DOT1L: variants seen among roughly 807,000 people sequenced by gnomAD.
DOT1L encodes the protein DOT1 like histone lysine methyltransferase.
In DOT1L, 33 loss-of-function variants were observed where a neutral mutation model predicts 153.3. The ratio of observed to expected loss-of-function variants is 0.22; its 90% CI spans 0.16 to 0.29. The LOEUF (loss-of-function observed/expected upper bound fraction) is 0.29, where lower values mean the gene tolerates loss of function less well. DOT1L is among the 10% of genes least tolerant of loss of function. The pLI, the probability that DOT1L is intolerant of heterozygous loss-of-function variation, is 1.00. For missense variants in DOT1L, 1,847 were observed against 2,119.9 expected (o/e 0.87, Z 2.53); for synonymous variants, 1,135 against 965.1 (o/e 1.18, Z -3.26).
rs373521861 is a variant in DOT1L, at chr19:2,190,592, C to T, written c.265-420C>T. On this transcript the variant is annotated intron_variant, in intron 4 of 27. Transcript: ENST00000398665. The surrounding 1 kb of genome is among the most constrained non-coding windows in gnomAD (Gnocchi z 4.8). Reference sequence around the variant, plus strand: ...TGGTGGGGAGGAAGGCGGGGTCCCACGTAGTCGAGTCAGATGAGGTGTGGT... The same window carrying T: ...TGGTGGGGAGGAAGGCGGGGTCCCATGTAGTCGAGTCAGATGAGGTGTGGT... 2.0e-5 allele frequency among the ~76,000 whole-genome samples: 3 copies of T among 152,110 alleles called. No individual in the cohort carries two copies. Among genetic ancestry groups the T allele is most frequent in the East Asian group, 3.9e-4 (2 of 5,184 alleles).
intron 1 of DOT1L, among the ~76,000 whole-genome samples, chr19:2,166,077 A>G (rs1291524212): frequency 1.4e-5 from 2 of 146,294 alleles, no homozygotes; most frequent in South Asian, 2.2e-4. Context: ...GCCCACATTT[A>G]TATGTTATGT....
At position 2,211,159 on chromosome 19, in the gene DOT1L, C is replaced by G. The variant is rs1478393515; in HGVS notation, c.1412C>G (p.Ser471Cys). The G allele has an allele frequency of 1.9e-6, 3 of 1,612,660 alleles. No individual in the cohort carries two copies. The highest frequency in any genetic ancestry group is 2.5e-6 in the Non-Finnish European group (3 of 1,179,654). ...YQLPPSVQRH[S>C]PNPLLVAPTP... ...CTACCTCCGAGCGTGCAGCGGCACTCCCCCAACCCGCTGCTGGTGGCGCCC... is the reference window on the plus strand; with the variant it reads ...CTACCTCCGAGCGTGCAGCGGCACTGCCCCAACCCGCTGCTGGTGGCGCCC... The change falls in exon 15 of 28, where the codon TCC becomes TGC. Residue 471 changes from serine to cysteine, a missense_variant. Around this residue, in one of 8 missense-constraint regions of DOT1L, gnomAD observed 205 missense variants for 203.1 expected, o/e 1.01. Transcript: ENST00000398665.
At position 2,226,723 on chromosome 19, in the gene DOT1L, A is replaced by C. The variant is rs1482475851; in HGVS notation, c.4202A>C (p.Asp1401Ala). The C allele has an allele frequency of 6.4e-7, 1 of 1,561,756 alleles. No homozygotes were observed. The highest frequency in any genetic ancestry group is 8.6e-7 in the Non-Finnish European group (1 of 1,158,828). Reference protein sequence around the residue: ...EGGLPLCGPTDKTPLLSGKAA... With the variant: ...EGGLPLCGPTAKTPLLSGKAA... The stretch of plus-strand genomic sequence containing the variant: ...GGCCTACCGCTGTGCGGGCCCACGG[A>C]CAAGACCCCACTGCTGAGCGGCAAG... Residue 1401 changes from aspartate to alanine, a missense_variant, in exon 27 of 28, where the codon GAC (aspartate) becomes GCC (alanine). Asp to Ala is a moderately radical substitution (Grantham distance 126, BLOSUM62 -2). Around this residue, in one of 8 missense-constraint regions of DOT1L, gnomAD observed 934 missense variants for 825.3 expected, o/e 1.13. Transcript: ENST00000398665.
At chr19:2,218,228 G>A (rs73516513) in intron 22 of DOT1L, among the ~76,000 whole-genome samples, 7 of 152,322 alleles carry the variant, frequency 4.6e-5, no homozygotes, top group East Asian at 1.9e-4. Flanking sequence ...ATTGGCTGCC[G>A]TGGCCCCTGT....
rs1274850500 is a variant in DOT1L at position 2,216,184 on chromosome 19, G to A, written c.1924-97G>A. ...TTTCCATCCCACACAAGCAGCGGGG[G>A]TCCTGGCCACCCCTCCGGGTGTCCA... On this transcript the variant is annotated intron_variant, in intron 19 of 27. Transcript: ENST00000398665. The A allele has an allele frequency of 4.1e-6, 6 of 1,476,928 alleles. No homozygotes were observed. The African/African-American group carries it at 5.6e-5, about 14-fold the overall frequency. The allele number at this position is 1,476,928 out of a possible 1,614,324, so 91.5% of individuals were successfully genotyped here. A position where few individuals can be genotyped will look rare whatever the true frequency, so the allele number is the denominator to read the frequency against.
chr19:2,199,996 T>C, intron 8 of DOT1L, 57 bp downstream of exon 8: 6 of 1,595,544 alleles, frequency 3.8e-6, no homozygotes, highest in Non-Finnish European at 5.1e-6. Context: ...AGGCGGGCGG[T>C]GGCCATGGCA....
At position 2,190,469 on chromosome 19, in the gene DOT1L, C is replaced by T. The variant is rs143030850; in HGVS notation, c.265-543C>T. Among the ~76,000 whole-genome samples, 13 of 152,232 alleles carry T rather than the reference C, an allele frequency of 8.5e-5. No homozygotes were observed. The highest frequency in any genetic ancestry group is 3.4e-3 in the Middle Eastern group (1 of 294). On this transcript the variant is annotated intron_variant, in intron 4 of 27. Coordinates refer to ENST00000398665, the MANE Select transcript of DOT1L (RefSeq NM_032482.3). The surrounding 1 kb of genome is among the most constrained non-coding windows in gnomAD (Gnocchi z 4.8). ...TGGGCTGCCCCATCAGCCTGCCACCCGGCTCTGGCTTCCCCTCAACCTCAT... is the reference window on the plus strand; with the variant it reads ...TGGGCTGCCCCATCAGCCTGCCACCTGGCTCTGGCTTCCCCTCAACCTCAT...
intron 22 of DOT1L, among the ~76,000 whole-genome samples, chr19:2,218,425 A>G (rs556203425): frequency 7.2e-5 from 11 of 151,976 alleles, no homozygotes; most frequent in Non-Finnish European, 1.3e-4. Flanking sequence ...ACGGAGTCTC[A>G]CTCTGTCGCC....
chr19:2,187,887 A>C (rs1472011688), intron 3 of DOT1L, among the ~76,000 whole-genome samples: 1 of 145,460 alleles, frequency 6.9e-6, no homozygotes, highest in East Asian at 2.0e-4. Context: ...GCGCCACCGC[A>C]CTCCAGCCTG....
intron 27 of DOT1L, chr19:2,228,563 T>C: frequency 4.1e-6 from 4 of 985,204 alleles, no homozygotes; most frequent in Non-Finnish European, 4.8e-6. Flanking sequence ...GCACCAGCCA[T>C]GGAGTGGCCT....
intron 19 of DOT1L, 84 bp from the exon 20 acceptor site, chr19:2,216,197 C>T (rs1284968344): frequency 6.7e-7 from 1 of 1,488,348 alleles, no homozygotes; most frequent in Non-Finnish European, 8.9e-7. Flanking sequence ...CTGGCCACCC[C>T]TCCGGGTGTC....
intron 3 of DOT1L, 63 bp from the exon 4 acceptor site, chr19:2,189,669 C>G: frequency 9.5e-6 from 15 of 1,574,344 alleles, no homozygotes; most frequent in Non-Finnish European, 1.3e-5. Flanking sequence ...CACATGCTGT[C>G]CCCTCCCATG....
intron 22 of DOT1L, among the ~76,000 whole-genome samples, chr19:2,219,371 G>A (rs991567051): frequency 2.6e-5 from 4 of 152,146 alleles, no homozygotes; most frequent in Non-Finnish European, 5.9e-5. Context: ...GGGAAAAAGC[G>A]TTGCCCGCCT....
intron 1 of DOT1L, among the ~76,000 whole-genome samples, chr19:2,169,162 G>A (rs903409163): frequency 5.3e-5 from 8 of 152,206 alleles, no homozygotes; most frequent in Admixed American, 5.2e-4. Context: ...GGCTGTGGGC[G>A]GCGGTGAGTG....
At chr19:2,199,563 C>T (rs1257316127) in intron 7 of DOT1L, among the ~76,000 whole-genome samples, 3 of 152,226 alleles carry the variant, frequency 2.0e-5, no homozygotes, top group South Asian at 2.1e-4. Flanking sequence ...GCTTACATTT[C>T]TAGGAGACTG....
At position 2,222,083 on chromosome 19, in the gene DOT1L, G is replaced by A; in HGVS notation, c.2914G>A (p.Gly972Arg). ...PATLDESSSS[G>R]SLFATVGSRS... The stretch of plus-strand genomic sequence containing the variant: ...CACCTTGGATGAGTCCTCCAGCTCT[G>A]GGAGCCTTTTTGCCACCGTGGGGTC... The change falls in exon 24 of 28, where the codon GGG (glycine) becomes AGG (arginine). Residue 972 changes from glycine (G) to arginine (R), a missense_variant. Around this residue, in one of 8 missense-constraint regions of DOT1L, gnomAD observed 934 missense variants for 825.3 expected, o/e 1.13. Transcript: ENST00000398665. The surrounding 1 kb of genome is among the most constrained non-coding windows in gnomAD (Gnocchi z 6.5). 6.2e-7 allele frequency: 1 copy of A among 1,613,434 alleles called. No homozygotes were observed. The highest frequency in any genetic ancestry group is 8.5e-7 in the Non-Finnish European group (1 of 1,179,912).
In DOT1L at chr19:2,226,373, C is replaced by T. The variant is rs377156947; in HGVS notation, c.3852C>T (p.Ala1284=). The T allele has an allele frequency of 6.0e-5, 95 of 1,592,592 alleles. No individual in the cohort carries two copies. The highest frequency in any genetic ancestry group is 1.2e-4 in the Admixed American group (7 of 58,744). ...TFRPALEEPS[A]DAKLAAHPRK... ...GGCCCGCCCTGGAGGAGCCCTCTGCCGATGCCAAGCTGGCCGCTCACCCCA... is the reference window on the plus strand; with the variant it reads ...GGCCCGCCCTGGAGGAGCCCTCTGCTGATGCCAAGCTGGCCGCTCACCCCA... Residue 1284 remains alanine (A), a synonymous_variant, in exon 27 of 28, where the codon GCC becomes GCT. Coordinates refer to ENST00000398665, the MANE Select transcript of DOT1L (RefSeq NM_032482.3).
In DOT1L at chr19:2,231,257, C is replaced by T. The variant is rs144338331; in HGVS notation, c.*1465C>T. ...AGCCCACCTTCTCAAGTGCTTGCTC[C>T]TGTGAGATGGCATCGGGGAGCCCCT... On this transcript the variant is annotated 3_prime_UTR_variant, in exon 28 of 28. Coordinates refer to ENST00000398665, the MANE Select transcript of DOT1L (RefSeq NM_032482.3). The T allele has an allele frequency of 4.4e-6, 1 of 226,966 alleles. No individual in the cohort carries two copies. Among genetic ancestry groups the T allele is most frequent in the Non-Finnish European group, 8.8e-6 (1 of 114,100 alleles). The allele number at this position is 226,966 out of a possible 1,614,324, so 14.1% of individuals were successfully genotyped here.
Position 2,207,817 on chromosome 19 carries a change from C to T in DOT1L, c.963+137C>T, listed in dbSNP as rs777446541. 2 of 776,002 alleles carry T rather than the reference C, an allele frequency of 2.6e-6. No individual in the cohort carries two copies. The highest frequency in any genetic ancestry group is 5.7e-5 in the Admixed American group (2 of 35,392). The allele number at this position is 776,002 out of a possible 1,614,324, so 48.1% of individuals were successfully genotyped here. On this transcript the variant is annotated intron_variant, in intron 11 of 27. Coordinates refer to ENST00000398665, the MANE Select transcript of DOT1L (RefSeq NM_032482.3). The surrounding 1 kb of genome is among the most constrained non-coding windows in gnomAD (Gnocchi z 4.5). ...CTCAACGCCCCCCGGCCCCTGAGCT[C>T]AGGCCCAGCTCCTCAAGGCCCCTCA...
Sources: gnomAD v4.1 joint callset for allele counts (sites outside exome capture counted in the v4.1 genomes callset) on GRCh38, gnomAD v4.1.1 for gene constraint, gnomAD v4.1.1 regional missense constraint, Gnocchi (gnomAD v3.1) non-coding constraint, MANE v1.5 for transcripts, NCBI Gene and HGNC (gene_info 2026-07-23, HGNC 2026-07-21) for gene names.